The following TFEC variants were observed in gnomAD, a reference collection of about 807,000 sequenced individuals.
TFEC encodes the protein transcription factor EC.
Under a neutral mutation model 41.6 loss-of-function variants are expected in TFEC, and 31 were observed. That is an observed-to-expected ratio of 0.74 (90% CI 0.56 to 1.01). The LOEUF (loss-of-function observed/expected upper bound fraction) is 1.01. Among genes scored for constraint, TFEC ranks in the 50% least tolerant of loss-of-function variants. The probability of loss-of-function intolerance (pLI) is 0.00; values close to 1 mark genes in which losing one functional copy is unlikely to be tolerated. For missense variants in TFEC, 402 were observed against 404.1 expected (o/e 0.99, Z 0.04); for synonymous variants, 143 against 140.6 (o/e 1.02, Z -0.12).
At position 115,991,653 on chromosome 7, in the gene TFEC, T is replaced by C. The variant is rs929818725; in HGVS notation, c.-72-7140A>G. Among the ~76,000 whole-genome samples the C allele has an allele frequency of 2.6e-5, 4 of 152,132 alleles. 1 individual carries two copies. Among genetic ancestry groups the C allele is most frequent in the African/African-American group, 9.7e-5 (4 of 41,408 alleles). On this transcript the variant is annotated intron_variant, in intron 1 of 7. Transcript: ENST00000265440. ...AGGCCATTACATAATGGTAAAGGGA[T>C]CAATTTAACAAGAAGAGCTAACTAA... is the stretch of plus-strand genomic sequence containing the variant.
chr7:116,153,801 A>T (rs920865761), intron 1 of TFEC, among the ~76,000 whole-genome samples: 5 of 152,222 alleles, frequency 3.3e-5, no homozygotes, highest in African/African-American at 1.2e-4. Context: ...AGTTAAAGAA[A>T]CAGCAACAGA....
Position 116,051,262 on chromosome 7 carries a change from G to A in TFEC, c.198+59446C>T, listed in dbSNP as rs567125508. Among the ~76,000 whole-genome samples the A allele has an allele frequency of 5.3e-5, 8 of 152,268 alleles. No homozygotes were observed. The South Asian group carries it at 6.2e-4, about 12-fold the overall frequency. ...GTATACATATGTAACAAACCTGCAC[G>A]TTGTGCACATGTACCATAGAACTTA... On this transcript the variant is annotated intron_variant, in intron 3 of 8. Coordinates refer to the TFEC transcript ENST00000484212.
At chr7:116,107,007 C>A (rs570166842) in intron 3 of TFEC, among the ~76,000 whole-genome samples, 1 of 152,254 alleles carries the variant, frequency 6.6e-6, no homozygotes, top group East Asian at 1.9e-4. Flanking sequence ...TTGGGTCAAA[C>A]CAACTTTAAC....
chr7:115,956,650 A>C (rs529349525), intron 4 of TFEC, 29 bp downstream of exon 4: 19 of 1,512,694 alleles, frequency 1.3e-5, no homozygotes, highest in Non-Finnish European at 1.7e-5. Context: ...ATAAAAATAA[A>C]AAGGGTAAAA....
At chr7:116,154,729 T>C (rs1798832127) in intron 1 of TFEC, among the ~76,000 whole-genome samples, 3 of 152,204 alleles carry the variant, frequency 2.0e-5, no homozygotes, top group Admixed American at 2.0e-4. Context: ...ACCAGATATA[T>C]CCCTGCAAAC....
At chr7:116,038,771 A>G (rs764854966) in intron 3 of TFEC, among the ~76,000 whole-genome samples, 1 of 152,050 alleles carries the variant, frequency 6.6e-6, no homozygotes, top group Non-Finnish European at 1.5e-5. Flanking sequence ...CCTCTCTATC[A>G]GGGTAGGATA....
rs564549558 is a variant in TFEC at position 115,938,230 on chromosome 7, T to G, written c.*2321A>C. On this transcript the variant is annotated 3_prime_UTR_variant, in exon 8 of 8. Transcript: ENST00000265440. The stretch of plus-strand genomic sequence containing the variant: ...AATGACATCATCAGTGCAAGTCTAC[T>G]CAAAATATGAAGAAATGAGAAGAGC... 2.0e-5 allele frequency: 3 copies of G among 151,982 alleles called. No homozygotes were observed. In the East Asian group the frequency reaches 5.8e-4, roughly 29 times the overall value. 9.4% of individuals were successfully genotyped at this position (151,982 alleles called of 1,614,324 possible). A position where few individuals can be genotyped will look rare whatever the true frequency, so the allele number is the denominator to read the frequency against.
chr7:116,044,692 T>C (rs1269170479), intron 3 of TFEC, among the ~76,000 whole-genome samples: 1 of 152,238 alleles, frequency 6.6e-6, no homozygotes, highest in Non-Finnish European at 1.5e-5. Context: ...ATGCTGGGTA[T>C]CATTTTTCTT....
intron 3 of TFEC, among the ~76,000 whole-genome samples, chr7:116,064,467 A>G (rs1796646078): frequency 6.6e-6 from 1 of 151,914 alleles, no homozygotes; most frequent in South Asian, 2.1e-4. Flanking sequence ...GCTGTGGTAA[A>G]GAAAACAAAA....
intron 1 of TFEC, among the ~76,000 whole-genome samples, chr7:116,002,303 A>C (rs1243672862): frequency 6.6e-6 from 1 of 152,242 alleles, no homozygotes; most frequent in African/African-American, 2.4e-5. Flanking sequence ...GAATGGATGA[A>C]GAAAATGTGG....
At chr7:116,103,310 G>T (rs565685553) in intron 3 of TFEC, among the ~76,000 whole-genome samples, 1 of 152,242 alleles carries the variant, frequency 6.6e-6, no homozygotes, top group African/African-American at 2.4e-5. Context: ...TTTTCTCTCT[G>T]GTAAGTGTAG....
At chr7:116,063,520 G>C (rs1469514744) in intron 3 of TFEC, among the ~76,000 whole-genome samples, 1 of 152,160 alleles carries the variant, frequency 6.6e-6, no homozygotes, top group Non-Finnish European at 1.5e-5. Flanking sequence ...TCCGGAGGCT[G>C]AGGCAGGAGA....
intron 4 of TFEC, among the ~76,000 whole-genome samples, chr7:115,955,928 T>G (rs1158749047): frequency 6.6e-6 from 1 of 152,030 alleles, no homozygotes; most frequent in African/African-American, 2.4e-5. Context: ...CCGTGGTGTT[T>G]GAGCTCCAAA....
At chr7:116,077,470 A>T (rs190518152) in intron 3 of TFEC, among the ~76,000 whole-genome samples, 1 of 152,246 alleles carries the variant, frequency 6.6e-6, no homozygotes, top group African/African-American at 2.4e-5. Flanking sequence ...CCACTTAAAA[A>T]ATACAGAATG....
intron 3 of TFEC, among the ~76,000 whole-genome samples, chr7:115,957,430 T>C (rs551275692): frequency 6.6e-6 from 1 of 151,996 alleles, no homozygotes; most frequent in East Asian, 1.9e-4. Context: ...GTACATCCAA[T>C]TATAGCAACA....
At position 115,938,800 on chromosome 7, in the gene TFEC, G is replaced by C. The variant is rs1256076446; in HGVS notation, c.*1751C>G. The C allele has an allele frequency of 4.6e-5, 7 of 151,904 alleles. No individual in the cohort carries two copies. The East Asian group carries it at 1.2e-3, about 25-fold the overall frequency. 9.4% of individuals were successfully genotyped at this position (151,904 alleles called of 1,614,324 possible). On this transcript the variant is annotated 3_prime_UTR_variant, in exon 8 of 8. Coordinates refer to ENST00000265440, the MANE Select transcript of TFEC (RefSeq NM_012252.4). ...TTAGCATCCTCCCTGCTACTAAAAA[G>C]ATTTGTTTCTATTATATTAATACTA...
intron 1 of TFEC, among the ~76,000 whole-genome samples, chr7:116,143,714 G>C (rs1330157193): frequency 1.3e-5 from 2 of 152,138 alleles, no homozygotes; most frequent in African/African-American, 4.8e-5. Flanking sequence ...AGAGAAGTGA[G>C]GAAACACACT....
At chr7:115,947,381 C>T (rs891529691) in intron 6 of TFEC, among the ~76,000 whole-genome samples, 11 of 151,012 alleles carry the variant, frequency 7.3e-5, no homozygotes, top group Middle Eastern at 3.2e-3. Flanking sequence ...AATAAACATA[C>T]GTGTGCATGT....
At chr7:116,072,047 A>G (rs1796842569) in intron 3 of TFEC, among the ~76,000 whole-genome samples, 1 of 151,628 alleles carries the variant, frequency 6.6e-6, no homozygotes, top group Non-Finnish European at 1.5e-5. Flanking sequence ...GAAAACACAT[A>G]AAATTACAGC....
Sources: gnomAD v4.1 joint callset for allele counts (sites outside exome capture counted in the v4.1 genomes callset) on GRCh38, gnomAD v4.1.1 for gene constraint, MANE v1.5 for transcripts, NCBI Gene and HGNC (gene_info 2026-07-23, HGNC 2026-07-21) for gene names.